CAMK4: variants seen among roughly 807,000 people sequenced by gnomAD.
CAMK4 encodes calcium/calmodulin-dependent protein kinase type IV.
In CAMK4, 22 loss-of-function variants were observed where a neutral mutation model predicts 44.9. The ratio of observed to expected loss-of-function variants is 0.49; its 90% CI spans 0.35 to 0.70. CAMK4 has a LOEUF of 0.70. CAMK4 is among the 30% of genes least tolerant of loss of function. CAMK4 has a pLI of 0.01. For synonymous variants in CAMK4, 218 were observed against 215.4 expected (o/e 1.01, Z -0.11); for missense variants, 498 against 586.8 (o/e 0.85, Z 1.56).
At chr5:111,472,545 T>C (rs113596729) in intron 7 of CAMK4, among the ~76,000 whole-genome samples, 1,788 of 152,318 alleles carry the variant, frequency 0.012, 15 homozygotes, top group Middle Eastern at 0.075. Context: ...TCCAGTTAAT[T>C]ACCCATTTTC....
At chr5:111,385,634 C>T (rs1017657774) in intron 4 of CAMK4, among the ~76,000 whole-genome samples, 1 of 151,994 alleles carries the variant, frequency 6.6e-6, no homozygotes, top group African/African-American at 2.4e-5. Context: ...AGTGCAGTGG[C>T]GTGATCTTGG....
At chr5:111,250,785 C>G (rs577190832) in intron 1 of CAMK4, among the ~76,000 whole-genome samples, 101 of 152,236 alleles carry the variant, frequency 6.6e-4, no homozygotes, top group African/African-American at 2.2e-3. Flanking sequence ...CAATTCTGAG[C>G]CCCTACCCTT....
intron 1 of CAMK4, among the ~76,000 whole-genome samples, chr5:111,270,422 G>T (rs1458181203): frequency 1.3e-5 from 2 of 152,050 alleles, no homozygotes; most frequent in Non-Finnish European, 2.9e-5. Context: ...CCTGGCCTCT[G>T]GAACCTTCAA....
At chr5:111,407,170 G>A (rs1752465478) in intron 5 of CAMK4, among the ~76,000 whole-genome samples, 1 of 151,998 alleles carries the variant, frequency 6.6e-6, no homozygotes, top group Non-Finnish European at 1.5e-5. Context: ...TGGCCAAGAT[G>A]GTGAAACCCA....
At chr5:111,465,095 A>T (rs538917688) in intron 7 of CAMK4, among the ~76,000 whole-genome samples, 23 of 152,222 alleles carry the variant, frequency 1.5e-4, no homozygotes, top group African/African-American at 4.8e-4. Context: ...TGCCCTGTGG[A>T]GTTTCCTCTA....
intron 2 of CAMK4, among the ~76,000 whole-genome samples, chr5:111,373,408 C>G (rs1043736454): frequency 2.1e-5 from 2 of 93,714 alleles, no homozygotes; most frequent in Non-Finnish European, 4.4e-5. Flanking sequence ...TTATATTTTC[C>G]AGATAAAATA....
chr5:111,334,495 T>C (rs938938792), intron 1 of CAMK4, among the ~76,000 whole-genome samples: 2 of 151,532 alleles, frequency 1.3e-5, no homozygotes, highest in Non-Finnish European at 3.0e-5. Flanking sequence ...TGACGTTTTT[T>C]AGGTTCCTGC....
At chr5:111,300,966 G>A (rs1747694042) in intron 1 of CAMK4, among the ~76,000 whole-genome samples, 1 of 148,242 alleles carries the variant, frequency 6.7e-6, no homozygotes, top group African/African-American at 2.5e-5. Context: ...TTTTACATAT[G>A]GGATTTTATT....
In CAMK4 at chr5:111,309,403, C is replaced by A. The variant is rs564835558; in HGVS notation, c.162-34621C>A. Among the ~76,000 whole-genome samples, 118 of 152,230 alleles carry A rather than the reference C, an allele frequency of 7.8e-4. 1 individual carries two copies. The highest frequency in any genetic ancestry group is 3.4e-3 in the Middle Eastern group (1 of 294). On this transcript the variant is annotated intron_variant, in intron 1 of 10. Coordinates refer to ENST00000282356, the MANE Select transcript of CAMK4 (RefSeq NM_001744.6). ...ACCTTTCAGGTGTCTGGGATCAACA[C>A]CCCACTCCCTCTCAAGGAGCCCTGG... is the stretch of plus-strand genomic sequence containing the variant.
In CAMK4 at chr5:111,234,373, A is replaced by G. The variant is rs375836538; in HGVS notation, c.161+9729A>G. ...CTGCCATTGTAACCAAAACAGTCAC[A>G]TAGAAGAAAACAGAATGAGAGTAAA... On this transcript the variant is annotated intron_variant, in intron 1 of 10. Coordinates refer to ENST00000282356, the MANE Select transcript of CAMK4 (RefSeq NM_001744.6). Among the ~76,000 whole-genome samples the G allele has an allele frequency of 1.2e-4, 18 of 152,306 alleles. No individual in the cohort carries two copies. In the South Asian group the frequency reaches 1.9e-3, roughly 16 times the overall value.
At chr5:111,472,217 A>G (rs1755089283) in intron 7 of CAMK4, among the ~76,000 whole-genome samples, 1 of 152,100 alleles carries the variant, frequency 6.6e-6, no homozygotes, top group African/African-American at 2.4e-5. Context: ...TTGATAGGCA[A>G]CACTGAATGT....
At chr5:111,235,677 C>T (rs1337423017) in intron 1 of CAMK4, among the ~76,000 whole-genome samples, 1 of 152,180 alleles carries the variant, frequency 6.6e-6, no homozygotes, top group African/African-American at 2.4e-5. Context: ...AAAACCAGTG[C>T]AGTTCTTTAA....
chr5:111,445,688 G>A (rs1013791402), intron 5 of CAMK4, among the ~76,000 whole-genome samples: 4 of 152,084 alleles, frequency 2.6e-5, no homozygotes, highest in Non-Finnish European at 4.4e-5. Flanking sequence ...TCGGCCCACC[G>A]AATTGCTGGT....
chr5:111,382,581 A>G (rs306118), intron 4 of CAMK4, among the ~76,000 whole-genome samples: 138,845 of 152,226 alleles, frequency 0.91, 63,428 homozygotes, highest in East Asian at 1. Flanking sequence ...CTGGCAGAGT[A>G]TGCAGGGCAA....
At chr5:111,255,510 A>G (rs1362601143) in intron 1 of CAMK4, among the ~76,000 whole-genome samples, 1 of 152,194 alleles carries the variant, frequency 6.6e-6, no homozygotes, top group East Asian at 1.9e-4. Flanking sequence ...TGACAACTTC[A>G]GCTAGGTCAG....
chr5:111,225,911 T>C (rs1748167357), intron 1 of CAMK4, among the ~76,000 whole-genome samples: 1 of 152,224 alleles, frequency 6.6e-6, no homozygotes, highest in Admixed American at 6.5e-5. Flanking sequence ...ATCAAGTTTT[T>C]CAGTATTCAT....
intron 1 of CAMK4, among the ~76,000 whole-genome samples, chr5:111,234,367 AG>A (rs1192206642): frequency 1.3e-5 from 2 of 152,188 alleles, no homozygotes; most frequent in African/African-American, 4.8e-5. Context: ...TAACCAAAAC[AG>A]TCACATAGAA....
chr5:111,378,999 A>ACC (rs1751316644), intron 4 of CAMK4, among the ~76,000 whole-genome samples: 1 of 151,894 alleles, frequency 6.6e-6, no homozygotes, highest in African/African-American at 2.4e-5. Flanking sequence ...TCTTTAGCTG[A>ACC]CTTTTTTATG....
intron 5 of CAMK4, among the ~76,000 whole-genome samples, chr5:111,421,314 A>G (rs1004341821): frequency 5.3e-5 from 8 of 152,200 alleles, no homozygotes; most frequent in African/African-American, 1.9e-4. Flanking sequence ...CTTCAATCCC[A>G]TCCCAAGTAT....
Sources: gnomAD v4.1 joint callset for allele counts (sites outside exome capture counted in the v4.1 genomes callset) on GRCh38, gnomAD v4.1.1 for gene constraint, MANE v1.5 for transcripts, NCBI Gene and HGNC (gene_info 2026-07-23, HGNC 2026-07-21) for gene names.